The following LINGO2 variants were observed in gnomAD, a reference collection of about 807,000 sequenced individuals.
The protein encoded by LINGO2 is leucine-rich repeat and immunoglobulin-like domain-containing nogo receptor-interacting protein 2.
LINGO2 carries 14 observed loss-of-function variants against 30.6 expected under a neutral mutation model. The ratio of observed to expected loss-of-function variants is 0.46; its 90% CI spans 0.30 to 0.72. The LOEUF (loss-of-function observed/expected upper bound fraction) is 0.72. Among genes scored for constraint, LINGO2 ranks in the 30% least tolerant of loss-of-function variants. The probability of loss-of-function intolerance (pLI) is 0.07; values close to 1 mark genes in which losing one functional copy is unlikely to be tolerated. For synonymous variants in LINGO2, 317 were observed against 288.5 expected, an observed-to-expected ratio of 1.10 and a Z score of -1.00; for missense variants, 729 against 751.7, an observed-to-expected ratio of 0.97 and a Z score of 0.35.
Position 27,981,506 on chromosome 9 carries a change from G to A in LINGO2, c.-35-30800C>T, listed in dbSNP as rs368719219. Among the ~76,000 whole-genome samples, 11 of 93,954 alleles carry A rather than the reference G, an allele frequency of 1.2e-4. No individual in the cohort carries two copies. The East Asian group carries it at 2.6e-3, about 23-fold the overall frequency. 61.6% of individuals were successfully genotyped at this position (93,954 alleles called of 152,430 possible). A position where few individuals can be genotyped will look rare whatever the true frequency, so the allele number is the denominator to read the frequency against. ...AGTATGGTTTTGTTTGAATGGAGAT[G>A]ATATGAAAGGATAAATGACGAGGAT... On this transcript the variant is annotated intron_variant, in intron 5 of 5. Transcript: ENST00000379992.
the LINGO2 span, among the ~76,000 whole-genome samples, chr9:29,146,374 C>A: frequency 5.0e-5 from 7 of 139,358 alleles, no homozygotes; most frequent in Non-Finnish European, 9.3e-5. Context: ...AACAAACAAA[C>A]AAAAAAAAAC....
chr9:28,716,011 C>A, the LINGO2 span, among the ~76,000 whole-genome samples: 1 of 151,698 alleles, frequency 6.6e-6, no homozygotes. Flanking sequence ...GTTGTGATAC[C>A]TTTATACAGG....
intron 3 of LINGO2, among the ~76,000 whole-genome samples, chr9:28,349,002 T>A (rs1428438404): frequency 1.3e-5 from 2 of 149,578 alleles, no homozygotes; most frequent in African/African-American, 2.4e-5. Context: ...CATCTGTACA[T>A]CACCATCATC....
At chr9:29,040,766 A>T in the LINGO2 span, among the ~76,000 whole-genome samples, 1 of 152,014 alleles carries the variant, frequency 6.6e-6, no homozygotes, top group Non-Finnish European at 1.5e-5. Context: ...AAAGTCCTAA[A>T]ATATTCATAT....
rs530899080 is a variant in LINGO2, at chr9:28,042,252, G to T, written c.-86-29847C>A. On this transcript the variant is annotated intron_variant, in intron 4 of 5. Coordinates refer to ENST00000379992, the Ensembl canonical transcript of LINGO2. ...ACAGACATGATTAGGACATGCTTCA[G>T]AGTAGAAAATTCACCCCATTAATGT... Among the ~76,000 whole-genome samples, 12 of 152,218 alleles carry T rather than the reference G, an allele frequency of 7.9e-5. No individual in the cohort carries two copies. The South Asian group carries it at 2.3e-3, about 29-fold the overall frequency.
chr9:28,189,802 T>A (rs1819750976), intron 4 of LINGO2, among the ~76,000 whole-genome samples: 1 of 151,942 alleles, frequency 6.6e-6, no homozygotes, highest in Non-Finnish European at 1.5e-5. Flanking sequence ...CTTGAAGCAG[T>A]TGTGATCAAG....
At chr9:27,984,693 G>C (rs1053754305) in intron 5 of LINGO2, among the ~76,000 whole-genome samples, 5 of 151,768 alleles carry the variant, frequency 3.3e-5, no homozygotes, top group Non-Finnish European at 5.9e-5. Flanking sequence ...GCTGGCTCTT[G>C]ATCTTTAGAA....
At chr9:28,850,612 G>A in the LINGO2 span, among the ~76,000 whole-genome samples, 1,004 of 152,086 alleles carry the variant, frequency 6.6e-3, 10 homozygotes, top group African/African-American at 0.023. Flanking sequence ...AGCCACCTCA[G>A]CCAGTGATGT....
At chr9:27,938,351 C>T in the LINGO2 span, 2 of 152,158 alleles carry the variant, frequency 1.3e-5, no homozygotes, top group Admixed American at 6.6e-5. Context: ...TTACTCTAAT[C>T]CTGTAGCACC....
intron 4 of LINGO2, among the ~76,000 whole-genome samples, chr9:28,071,863 T>C (rs1055848510): frequency 1.3e-5 from 2 of 152,036 alleles, no homozygotes; most frequent in African/African-American, 4.8e-5. Context: ...TATTGCAGAG[T>C]GAAAACTAAA....
intron 4 of LINGO2, among the ~76,000 whole-genome samples, chr9:28,099,509 C>T (rs1377049): frequency 0.98 from 149,107 of 152,174 alleles, 73,123 homozygotes; most frequent in East Asian, 1. Context: ...TTCTCACTGA[C>T]TTAGCCATTG....
the LINGO2 span, among the ~76,000 whole-genome samples, chr9:29,179,396 G>C: frequency 6.6e-6 from 1 of 151,564 alleles, no homozygotes; most frequent in South Asian, 2.1e-4. Context: ...TTAGTTCCTA[G>C]TCATTCTGAG....
At chr9:28,445,073 G>A (rs571509226) in intron 2 of LINGO2, among the ~76,000 whole-genome samples, 162 of 152,328 alleles carry the variant, frequency 1.1e-3, no homozygotes, top group African/African-American at 3.6e-3. Context: ...CACAGAGCTA[G>A]TGACTGATAA....
chr9:28,082,542 G>T (rs1237720626), intron 4 of LINGO2, among the ~76,000 whole-genome samples: 1 of 152,012 alleles, frequency 6.6e-6, no homozygotes, highest in African/African-American at 2.4e-5. Flanking sequence ...GTAGGAATTT[G>T]CAATGAGACA....
the LINGO2 span, among the ~76,000 whole-genome samples, chr9:28,681,210 G>T: frequency 6.6e-6 from 1 of 151,944 alleles, no homozygotes; most frequent in Non-Finnish European, 1.5e-5. Flanking sequence ...TGGTACCCTG[G>T]ACTAACTTAG....
At chr9:28,083,964 T>G (rs1825841091) in intron 4 of LINGO2, among the ~76,000 whole-genome samples, 1 of 152,198 alleles carries the variant, frequency 6.6e-6, no homozygotes, top group East Asian at 1.9e-4. Context: ...ATAATCTGTT[T>G]TTTAATTAAC....
intron 4 of LINGO2, among the ~76,000 whole-genome samples, chr9:28,088,313 G>C (rs1162647958): frequency 2.0e-5 from 3 of 151,698 alleles, no homozygotes; most frequent in African/African-American, 7.3e-5. Context: ...TACATACAAG[G>C]CAACACATTG....
At chr9:28,106,901 C>G (rs561908179) in intron 4 of LINGO2, among the ~76,000 whole-genome samples, 1 of 152,180 alleles carries the variant, frequency 6.6e-6, no homozygotes. Context: ...TTTTCCTTCG[C>G]CTTCTTACTC....
At chr9:28,687,744 T>C in the LINGO2 span, among the ~76,000 whole-genome samples, 1 of 152,144 alleles carries the variant, frequency 6.6e-6, no homozygotes, top group African/African-American at 2.4e-5. Flanking sequence ...CTGACAATTA[T>C]GGTGATTTTT....
Sources: gnomAD v4.1 joint callset for allele counts (sites outside exome capture counted in the v4.1 genomes callset) on GRCh38, gnomAD v4.1.1 for gene constraint, MANE v1.5 for transcripts, NCBI Gene and HGNC (gene_info 2026-07-23, HGNC 2026-07-21) for gene names.